The following PKD2 variants were observed in gnomAD, a reference collection of about 807,000 sequenced individuals.
PKD2 encodes polycystin 2, transient receptor potential cation channel.
In PKD2, 48 loss-of-function variants were observed where a neutral mutation model predicts 105.9. The ratio of observed to expected loss-of-function variants is 0.45; its 90% CI spans 0.36 to 0.58. The LOEUF (loss-of-function observed/expected upper bound fraction) is 0.58. Ranked by LOEUF, PKD2 falls within the 20% of genes least tolerant of loss-of-function variation. The pLI is 0.00. For synonymous variants in PKD2, 464 were observed against 481.1 expected (o/e 0.96, Z 0.46); for missense variants, 1,078 against 1,255.3 (o/e 0.86, Z 2.13).
intron 1 of PKD2, among the ~76,000 whole-genome samples, chr4:88,015,399 C>G (rs1726524804): frequency 6.6e-6 from 1 of 152,124 alleles, no homozygotes; most frequent in Non-Finnish European, 1.5e-5. Context: ...CTGATATTTT[C>G]TAAAATAAAA....
intron 6 of PKD2, among the ~76,000 whole-genome samples, chr4:88,050,009 C>T (rs1719992520): frequency 7.7e-6 from 1 of 129,228 alleles, no homozygotes; most frequent in Non-Finnish European, 1.6e-5. Context: ...GAGTCTTGCT[C>T]TGTCACCCAG....
intron 2 of PKD2, among the ~76,000 whole-genome samples, chr4:88,029,090 C>T (rs1727053811): frequency 6.6e-6 from 1 of 152,168 alleles, no homozygotes; most frequent in African/African-American, 2.4e-5. Flanking sequence ...ACTTCTGCCT[C>T]CTAAAAAGCC....
chr4:88,012,653 C>T (rs996652259), intron 1 of PKD2, among the ~76,000 whole-genome samples: 4 of 151,302 alleles, frequency 2.6e-5, no homozygotes, highest in African/African-American at 9.7e-5. Context: ...ATGGACTTAA[C>T]ACAATTTATT....
intron 13 of PKD2, among the ~76,000 whole-genome samples, chr4:88,068,340 G>A (rs1280672381): frequency 1.3e-5 from 2 of 151,884 alleles, no homozygotes; most frequent in Non-Finnish European, 2.9e-5. Context: ...CATGGTGGTG[G>A]GCACCTGTAA....
chr4:88,021,417 T>C (rs1017251126), intron 2 of PKD2, among the ~76,000 whole-genome samples: 1 of 152,226 alleles, frequency 6.6e-6, no homozygotes, highest in Non-Finnish European at 1.5e-5. Context: ...TTCTTGTTTA[T>C]TTGAGAATAT....
At chr4:88,039,127 C>T (rs557720804) in intron 4 of PKD2, among the ~76,000 whole-genome samples, 2 of 152,246 alleles carry the variant, frequency 1.3e-5, no homozygotes, top group Admixed American at 1.3e-4. Context: ...AGAAGACCTC[C>T]AAGGCCGTTT....
chr4:88,055,737 T>G (rs897769196), intron 7 of PKD2, among the ~76,000 whole-genome samples: 9 of 152,066 alleles, frequency 5.9e-5, no homozygotes, highest in Non-Finnish European at 1.5e-5. Context: ...CACAGTGTTG[T>G]GCAGCCATCG....
At chr4:88,072,450 G>A (rs1047328467) in intron 13 of PKD2, among the ~76,000 whole-genome samples, 6 of 152,108 alleles carry the variant, frequency 3.9e-5, no homozygotes, top group African/African-American at 7.2e-5. Flanking sequence ...ATTTCCTCAC[G>A]CTTCATTCCA....
At chr4:88,068,793 G>A (rs1442521795) in intron 13 of PKD2, among the ~76,000 whole-genome samples, 3 of 152,152 alleles carry the variant, frequency 2.0e-5, no homozygotes, top group Non-Finnish European at 2.9e-5. Context: ...CCATTTCCTG[G>A]TTGATCTTAG....
At chr4:88,009,061 C>T (rs542026927) in intron 1 of PKD2, among the ~76,000 whole-genome samples, 2 of 152,060 alleles carry the variant, frequency 1.3e-5, no homozygotes, top group East Asian at 3.9e-4. Flanking sequence ...TTTGAAATTC[C>T]ACCAAAATGA....
chr4:88,007,662 G>C lies in PKD2; in HGVS notation c.-72G>C. On this transcript the variant is annotated 5_prime_UTR_variant, in exon 1 of 15. Transcript: ENST00000237596. Reference sequence around the variant, plus strand: ...GCGGCGGCGGGCGCCGGGAAGAAAGGAACATGGCTCCTGAGGCGCACAGCG... The same window carrying C: ...GCGGCGGCGGGCGCCGGGAAGAAAGCAACATGGCTCCTGAGGCGCACAGCG... The C allele has an allele frequency of 9.9e-7, 1 of 1,015,066 alleles. No homozygotes were observed. The highest frequency in any genetic ancestry group is 4.1e-5 in the South Asian group (1 of 24,614). 62.9% of individuals were successfully genotyped at this position (1,015,066 alleles called of 1,614,324 possible).
chr4:88,040,616 T>C (rs1458179057), intron 4 of PKD2, among the ~76,000 whole-genome samples: 4 of 152,198 alleles, frequency 2.6e-5, no homozygotes, highest in African/African-American at 9.6e-5. Context: ...AGGTTCTTGC[T>C]TTTGACATCT....
chr4:88,069,644 A>G (rs1720939569), intron 13 of PKD2, among the ~76,000 whole-genome samples: 1 of 152,052 alleles, frequency 6.6e-6, no homozygotes, highest in African/African-American at 2.4e-5. Context: ...TGTTAGAACA[A>G]TGTTACATTT....
chr4:88,034,741 A>C (rs1365205003), intron 2 of PKD2, among the ~76,000 whole-genome samples: 1 of 151,758 alleles, frequency 6.6e-6, no homozygotes, highest in East Asian at 1.9e-4. Flanking sequence ...AATAGTACTT[A>C]ATCCCAAAAT....
rs1720118432 is a variant in PKD2 at position 88,051,925 on chromosome 4, G to C, written c.1549-66G>C. ...TACATTGGTGAAGAAAAATATACTA[G>C]TCATATTAAGGTAAGTTTCATATTT... is the stretch of plus-strand genomic sequence containing the variant. On this transcript the variant is annotated intron_variant, in intron 6 of 14. Transcript: ENST00000237596. 3 of 852,282 alleles carry C rather than the reference G, an allele frequency of 3.5e-6. No homozygotes were observed. The African/African-American group carries it at 5.1e-5, about 15-fold the overall frequency. The allele number at this position is 852,282 out of a possible 1,614,324, so 52.8% of individuals were successfully genotyped here. A position where few individuals can be genotyped will look rare whatever the true frequency, so the allele number is the denominator to read the frequency against.
At chr4:88,049,267 G>C (rs74530575) in intron 6 of PKD2, among the ~76,000 whole-genome samples, 2 of 152,288 alleles carry the variant, frequency 1.3e-5, no homozygotes, top group Non-Finnish European at 2.9e-5. Flanking sequence ...TGGAATAAAA[G>C]TTAATACAAA....
intron 2 of PKD2, among the ~76,000 whole-genome samples, chr4:88,029,474 C>T (rs1162762238): frequency 1.3e-5 from 2 of 152,130 alleles, no homozygotes; most frequent in Non-Finnish European, 2.9e-5. Context: ...TCATCTCCCA[C>T]CCATCTATCC....
chr4:88,041,813 G>T (rs1727575510), intron 4 of PKD2, among the ~76,000 whole-genome samples: 1 of 152,184 alleles, frequency 6.6e-6, no homozygotes, highest in Non-Finnish European at 1.5e-5. Context: ...TATCAGTCAA[G>T]TTCCCAGATG....
At chr4:88,034,835 TA>T (rs1250537360) in intron 2 of PKD2, among the ~76,000 whole-genome samples, 3 of 152,170 alleles carry the variant, frequency 2.0e-5, no homozygotes, top group African/African-American at 4.8e-5. Flanking sequence ...AACTGTGGTT[TA>T]AAAAATGTAT....
Sources: gnomAD v4.1 joint callset for allele counts (sites outside exome capture counted in the v4.1 genomes callset) on GRCh38, gnomAD v4.1.1 for gene constraint, MANE v1.5 for transcripts, NCBI Gene and HGNC (gene_info 2026-07-23, HGNC 2026-07-21) for gene names.